AIRE: variants seen among roughly 807,000 people sequenced by gnomAD.
AIRE encodes the protein autoimmune polyendocrinopathy candidiasis ectodermal dystrophy protein.
A neutral mutation model predicts 62.1 loss-of-function variants in AIRE; 52 were observed. The ratio of observed to expected loss-of-function variants is 0.84; its 90% confidence interval spans 0.67 to 1.06. AIRE has a LOEUF of 1.06. Ranked by LOEUF, AIRE falls within the 50% of genes least tolerant of loss-of-function variation. AIRE has a pLI of 0.00. For synonymous variants in AIRE, 342 were observed against 321.6 expected (o/e 1.06, Z -0.68); for missense variants, 774 against 755.8 (o/e 1.02, Z -0.28).
Position 44,292,977 on chromosome 21 carries a change from G to T in AIRE, c.1096-16G>T, listed in dbSNP as rs374995530. The T allele has an allele frequency of 6.2e-7, 1 of 1,611,608 alleles. No individual in the cohort carries two copies. The highest frequency in any genetic ancestry group is 1.1e-5 in the South Asian group (1 of 91,016). Reference sequence around the variant, plus strand: ...AGGCGCCCGCTGCCCCTCTGATGCTGACCCTTGGGTTCCAGCTCCCCCCGG... The same window carrying T: ...AGGCGCCCGCTGCCCCTCTGATGCTTACCCTTGGGTTCCAGCTCCCCCCGG... On this transcript the variant is annotated splice_polypyrimidine_tract_variant and intron_variant, in intron 9 of 13. Transcript: ENST00000291582.
In AIRE at chr21:44,293,149, C is replaced by A; in HGVS notation, c.1252C>A (p.Leu418Met). The A allele has an allele frequency of 6.3e-7, 1 of 1,579,096 alleles. No individual in the cohort carries two copies. The change falls in exon 10 of 14, where the codon CTG becomes ATG. Residue 418 changes from leucine to methionine, a missense_variant. Physicochemically the swap from Leu to Met is conservative, Grantham distance 15. This residue lies in a region of AIRE where 354 missense variants were observed against 296.1 expected (regional missense o/e 1.20). Coordinates refer to ENST00000291582, the MANE Select transcript of AIRE (RefSeq NM_000383.4). ...GLDSSALHPLLCVGPEGQQNL... is the reference protein window; with the variant it reads ...GLDSSALHPLMCVGPEGQQNL... ...GGACTCCTCGGCCCTGCACCCCCTACTGTGTGTGGGTCCTGAGGGTCAGCA... is the reference window on the plus strand; with the variant it reads ...GGACTCCTCGGCCCTGCACCCCCTAATGTGTGTGGGTCCTGAGGGTCAGCA...
intron 10 of AIRE, 34 bp from the exon 11 acceptor site, chr21:44,293,755 C>T: frequency 1.3e-6 from 2 of 1,595,280 alleles, no homozygotes; most frequent in South Asian, 2.2e-5. Context: ...TTCCCCCGGC[C>T]CCCCGCGTCA....
In AIRE at chr21:44,286,410, TC is replaced by T; in HGVS notation, c.133-145del. The T allele has an allele frequency of 2.6e-6, 2 of 782,410 alleles. No individual in the cohort carries two copies. Among genetic ancestry groups the T allele is most frequent in the South Asian group, 3.5e-5 (2 of 56,718 alleles). The allele number at this position is 782,410 out of a possible 1,614,324, so 48.5% of individuals were successfully genotyped here. On this transcript the variant is annotated intron_variant, in intron 1 of 13. Transcript: ENST00000291582. The surrounding 1 kb of genome is among the most constrained non-coding windows in gnomAD (Gnocchi z 6.0). ...CAACACCCCTACACCACCACCTGAC[TC>T]CACCACAAGCCGAGGAGATGGGCGT... is the stretch of plus-strand genomic sequence containing the variant.
Position 44,296,457 on chromosome 21 carries a change from C to A in AIRE, c.1566+12C>A. On this transcript the variant is annotated intron_variant, in intron 13 of 13. Coordinates refer to ENST00000291582, the MANE Select transcript of AIRE (RefSeq NM_000383.4). ...CCCTTCTGAGCGAGGTAACGCCTCC[C>A]CTGGCCTCCTGGTGCTCCTCCACTC... The A allele has an allele frequency of 6.2e-7, 1 of 1,610,132 alleles. No homozygotes were observed. Among genetic ancestry groups the A allele is most frequent in the East Asian group, 2.2e-5 (1 of 44,876 alleles).
At chr21:44,292,214 C>A in intron 8 of AIRE, 88 bp from the exon 9 acceptor site, 5 of 1,048,056 alleles carry the variant, frequency 4.8e-6, no homozygotes, top group East Asian at 2.6e-5. Context: ...AAGACATGGT[C>A]GGAGCCCTGG....
At position 44,297,572 on chromosome 21, in the gene AIRE, G is replaced by A; in HGVS notation, c.1567-84G>A. On this transcript the variant is annotated intron_variant, in intron 13 of 13. Coordinates refer to ENST00000291582, the MANE Select transcript of AIRE (RefSeq NM_000383.4). The surrounding 1 kb of genome is among the most constrained non-coding windows in gnomAD (Gnocchi z 4.8). The stretch of plus-strand genomic sequence containing the variant: ...CTTTGACTTAGAGGGAAGGTTGGAT[G>A]GTGACTTCTTGTAACGATGGCCATG... The A allele has an allele frequency of 1.5e-6, 2 of 1,294,424 alleles. No homozygotes were observed. Among genetic ancestry groups the A allele is most frequent in the Non-Finnish European group, 2.2e-6 (2 of 900,144 alleles). 80.2% of individuals were successfully genotyped at this position (1,294,424 alleles called of 1,614,324 possible).
At chr21:44,289,845 C>T in intron 6 of AIRE, 43 bp downstream of exon 6, 3 of 1,611,516 alleles carry the variant, frequency 1.9e-6, no homozygotes, top group Non-Finnish European at 2.5e-6. Context: ...TCTTGATGCC[C>T]CCCGCCCCAG....
Position 44,289,887 on chromosome 21 carries a change from C to T in AIRE, c.798+85C>T. 3 of 1,603,958 alleles carry T rather than the reference C, an allele frequency of 1.9e-6. No individual in the cohort carries two copies. In the South Asian group the frequency reaches 3.3e-5, roughly 18 times the overall value. ...CGTTGCCTCTGGGGGAGTGGCTCTGCTGGGGGCTGGGGGCTGCTGCCGAGA... is the reference window on the plus strand; with the variant it reads ...CGTTGCCTCTGGGGGAGTGGCTCTGTTGGGGGCTGGGGGCTGCTGCCGAGA... On this transcript the variant is annotated intron_variant, in intron 6 of 13. Coordinates refer to ENST00000291582, the MANE Select transcript of AIRE (RefSeq NM_000383.4).
At chr21:44,295,812 G>C (rs766731444) in intron 12 of AIRE, among the ~76,000 whole-genome samples, 7 of 151,918 alleles carry the variant, frequency 4.6e-5, no homozygotes, top group Non-Finnish European at 7.4e-5. Flanking sequence ...CCTCCAGACC[G>C]GGCAGCCCCT....
In AIRE at chr21:44,287,398, C is replaced by T. The variant is rs1036910945; in HGVS notation, c.464-119C>T. 2.2e-5 allele frequency: 17 copies of T among 756,052 alleles called. No homozygotes were observed. The African/African-American group carries it at 3.0e-4, about 13-fold the overall frequency. 46.8% of individuals were successfully genotyped at this position (756,052 alleles called of 1,614,324 possible). ...TTACTGATGAGAAACCAGAGCCCGG[C>T]AAAGGGACTACCCAGCACTGGACCG... On this transcript the variant is annotated intron_variant, in intron 3 of 13. Coordinates refer to ENST00000291582, the MANE Select transcript of AIRE (RefSeq NM_000383.4). The surrounding 1 kb of genome is among the most constrained non-coding windows in gnomAD (Gnocchi z 4.3).
rs1568926363 is a variant in AIRE, at chr21:44,286,735, G to A, written c.307+4G>A. The A allele has an allele frequency of 1.9e-6, 3 of 1,612,714 alleles. No individual in the cohort carries two copies. The South Asian group carries it at 3.3e-5, about 18-fold the overall frequency. Reference sequence around the variant, plus strand: ...ATCCTGGACAGCTTCCCCAAAGGTGGGTCCTGGTGGACTCAGCCATGCTGG... The same window carrying A: ...ATCCTGGACAGCTTCCCCAAAGGTGAGTCCTGGTGGACTCAGCCATGCTGG... On this transcript the variant is annotated splice_donor_region_variant and intron_variant, in intron 2 of 13. Transcript: ENST00000291582. This position sits in a 1 kb window ranked among gnomAD's most constrained non-coding sequence, Gnocchi z 6.0.
chr21:44,293,875 G>A lies in AIRE; in HGVS notation c.1365G>A (p.Trp455Ter), dbSNP rs1555873118. The change falls in exon 11 of 14, where the codon TGG (tryptophan) becomes TGA (stop). Residue 455 changes from tryptophan (W) to a stop codon, truncating the protein, a stop_gained. Transcript: ENST00000291582. LOFTEE classifies it high-confidence loss of function. ...RCTHCAAAFH[W>*]RCHFPAGTSR... ...CTCACTGCGCCGCTGCCTTCCACTG[G>A]CGCTGCCACTTCCCAGCCGGCACCT... 6.3e-7 allele frequency: 1 copy of A among 1,596,512 alleles called. No individual in the cohort carries two copies. Among genetic ancestry groups the A allele is most frequent in the Non-Finnish European group, 8.5e-7 (1 of 1,179,482 alleles).
chr21:44,294,563 T>C, intron 12 of AIRE, 60 bp downstream of exon 12: 1 of 1,011,506 alleles, frequency 9.9e-7, no homozygotes, highest in African/African-American at 1.6e-5. Flanking sequence ...CCCCTTGGGT[T>C]GGTGTTGGGG....
Position 44,286,784 on chromosome 21 carries a change from C to T in AIRE, c.307+53C>T. 1 of 1,599,992 alleles carries T rather than the reference C, an allele frequency of 6.3e-7. No individual in the cohort carries two copies. The highest frequency in any genetic ancestry group is 2.2e-5 in the East Asian group (1 of 44,730). On this transcript the variant is annotated intron_variant, in intron 2 of 13. Transcript: ENST00000291582. The surrounding 1 kb of genome is among the most constrained non-coding windows in gnomAD (Gnocchi z 6.0). ...GGGGGCCTGGGGCAGCTGCTGTCAC[C>T]TGCTCAGCCCAGCTGGACTGGAACC...
chr21:44,298,027 G>A lies in AIRE; in HGVS notation c.*300G>A, dbSNP rs1344142951. 1 of 410,434 alleles carries A rather than the reference G, an allele frequency of 2.4e-6. No individual in the cohort carries two copies. Among genetic ancestry groups the A allele is most frequent in the South Asian group, 2.2e-5 (1 of 44,906 alleles). 25.4% of individuals were successfully genotyped at this position (410,434 alleles called of 1,614,324 possible). On this transcript the variant is annotated 3_prime_UTR_variant, in exon 14 of 14. Coordinates refer to ENST00000291582, the MANE Select transcript of AIRE (RefSeq NM_000383.4). The stretch of plus-strand genomic sequence containing the variant: ...GGTGCCTGTAATCCCAGCTACATGG[G>A]AGCCTGAGGCATGAGAATCACTTGA...
In AIRE at chr21:44,293,035, C is replaced by A; in HGVS notation, c.1138C>A (p.Pro380Thr). 1 of 1,612,540 alleles carries A rather than the reference C, an allele frequency of 6.2e-7. No homozygotes were observed. The change falls in exon 10 of 14, where the codon CCA becomes ACA. Residue 380 changes from proline to threonine, a missense_variant. By Grantham distance (38) the Pro-to-Thr change is conservative. Around this residue, in one of 3 missense-constraint regions of AIRE, gnomAD observed 354 missense variants for 296.1 expected, o/e 1.20. Coordinates refer to ENST00000291582, the MANE Select transcript of AIRE (RefSeq NM_000383.4). ...LRSAGEEVRG[P>T]PGEPLAGMDT... ...GTCGGCGGGAGAGGAGGTAAGAGGT[C>A]CACCTGGGGAACCCCTAGCCGGCAT...
Position 44,298,085 on chromosome 21 carries a change from T to C in AIRE, c.*358T>C, listed in dbSNP as rs986210693. The C allele has an allele frequency of 1.2e-5, 4 of 336,408 alleles. No individual in the cohort carries two copies. Among genetic ancestry groups the C allele is most frequent in the Admixed American group, 4.2e-5 (1 of 23,658 alleles). The allele number at this position is 336,408 out of a possible 1,614,324, so 20.8% of individuals were successfully genotyped here. A position where few individuals can be genotyped will look rare whatever the true frequency, so the allele number is the denominator to read the frequency against. On this transcript the variant is annotated 3_prime_UTR_variant, in exon 14 of 14. Coordinates refer to ENST00000291582, the MANE Select transcript of AIRE (RefSeq NM_000383.4). ...AGGTGGAGGTTGCAGTGAGCTGAGA[T>C]TGCGCCACTGCACTCCAGTCTGGTC...
Position 44,285,970 on chromosome 21 carries a change from C to G in AIRE, c.-37C>G. ...GGGCTGCCAGTGTCCCGGGACCCAC[C>G]GCGTCCGCCCCAGCCCCGGGTCCCC... On this transcript the variant is annotated 5_prime_UTR_variant, in exon 1 of 14. Transcript: ENST00000291582. The G allele has an allele frequency of 6.6e-7, 1 of 1,518,032 alleles. No homozygotes were observed. The highest frequency in any genetic ancestry group is 2.5e-5 in the East Asian group (1 of 39,468). The allele number at this position is 1,518,032 out of a possible 1,614,324, so 94.0% of individuals were successfully genotyped here. A position where few individuals can be genotyped will look rare whatever the true frequency, so the allele number is the denominator to read the frequency against.
At chr21:44,296,744 C>T (rs1192975069) in intron 13 of AIRE, among the ~76,000 whole-genome samples, 1 of 151,882 alleles carries the variant, frequency 6.6e-6, no homozygotes, top group Non-Finnish European at 1.5e-5. Context: ...CGGCCCCTCC[C>T]CTGAGGGCCT....
Sources: allele counts gnomAD v4.1 joint callset (sites outside exome capture counted in the v4.1 genomes callset), GRCh38; gene constraint gnomAD v4.1.1; regional missense constraint gnomAD v4.1.1; non-coding constraint Gnocchi (gnomAD v3.1); transcripts MANE v1.5; gene names NCBI Gene and HGNC (gene_info 2026-07-23, HGNC 2026-07-21).